The following MAMLD1 variants were observed in gnomAD, a reference collection of about 807,000 sequenced individuals.
The protein encoded by MAMLD1 is mastermind like domain containing 1.
A neutral mutation model predicts 45.0 loss-of-function variants in MAMLD1; 14 were observed. That is an observed-to-expected ratio of 0.31 (90% confidence interval 0.21 to 0.49). The LOEUF (loss-of-function observed/expected upper bound fraction) is 0.49, where lower values mean the gene tolerates loss of function less well. Ranked by LOEUF, MAMLD1 falls within the 20% of genes least tolerant of loss-of-function variation. The pLI is 0.99. For missense variants in MAMLD1, 543 were observed against 603.6 expected (o/e 0.90, Z 1.05); for synonymous variants, 254 against 247.8 (o/e 1.02, Z -0.24).
chrX:150,411,494 C>T (rs1479078217), intron 1 of MAMLD1, among the ~76,000 whole-genome samples: 2 of 112,118 alleles, frequency 1.8e-5, no homozygotes, highest in Non-Finnish European at 3.8e-5. Context: ...TGCCACTGCT[C>T]CCTGTGCTTT....
At chrX:150,490,937 A>G (rs2037165963) in intron 5 of MAMLD1, among the ~76,000 whole-genome samples, 1 of 112,130 alleles carries the variant, frequency 8.9e-6, no homozygotes, top group African/African-American at 3.2e-5. Flanking sequence ...CAAAAAATGC[A>G]TGATCATCTC....
At chrX:150,417,998 G>C (rs2034324782) in intron 1 of MAMLD1, among the ~76,000 whole-genome samples, 1 of 110,517 alleles carries the variant, frequency 9.0e-6, no homozygotes, top group Non-Finnish European at 1.9e-5. Context: ...GATTGGAATA[G>C]TTTCAGAAGG....
At chrX:150,401,295 A>G (rs1225905873) in intron 1 of MAMLD1, among the ~76,000 whole-genome samples, 1 of 105,650 alleles carries the variant, frequency 9.5e-6, no homozygotes, top group African/African-American at 3.5e-5. Context: ...CAGAGAGCCA[A>G]ATCATGAGTG....
chrX:150,492,144 G>A (rs1050429990), intron 5 of MAMLD1, among the ~76,000 whole-genome samples: 2 of 112,545 alleles, frequency 1.8e-5, no homozygotes, highest in African/African-American at 6.5e-5. Context: ...TCACTATCAA[G>A]GATCCCTCAT....
chrX:150,478,216 A>G (rs1557406951), intron 5 of MAMLD1, among the ~76,000 whole-genome samples: 1 of 112,573 alleles, frequency 8.9e-6, no homozygotes, highest in Non-Finnish European at 1.9e-5. Flanking sequence ...AGTGAGGCCA[A>G]GAGAATTTCC....
At chrX:150,506,934 G>A (rs1430651372) in intron 6 of MAMLD1, among the ~76,000 whole-genome samples, 1 of 112,591 alleles carries the variant, frequency 8.9e-6, no homozygotes, top group Non-Finnish European at 1.9e-5. Flanking sequence ...GGACTTCCAA[G>A]GTTGCCATCT....
chrX:150,403,939 G>A (rs1037755447), intron 1 of MAMLD1, among the ~76,000 whole-genome samples: 3 of 30,071 alleles, frequency 1.0e-4, no homozygotes, highest in East Asian at 7.5e-4. Flanking sequence ...GAGAAAGAAA[G>A]AAAAGAAAGA....
chrX:150,488,712 A>T (rs1419191819), intron 5 of MAMLD1, among the ~76,000 whole-genome samples: 1 of 113,163 alleles, frequency 8.8e-6, no homozygotes, highest in East Asian at 2.8e-4. Context: ...ACATCAAAAA[A>T]GTTGTCTGCT....
intron 5 of MAMLD1, among the ~76,000 whole-genome samples, chrX:150,501,445 A>G (rs1385012316): frequency 1.8e-5 from 2 of 112,543 alleles, no homozygotes; most frequent in African/African-American, 6.5e-5. Flanking sequence ...CTGGAGCTTG[A>G]TAACATGAAG....
chrX:150,442,118 A>G (rs997057473), intron 1 of MAMLD1, among the ~76,000 whole-genome samples: 4 of 109,284 alleles, frequency 3.7e-5, no homozygotes, highest in African/African-American at 1.3e-4. Flanking sequence ...TTACTTTTTA[A>G]AATTAATATT....
At chrX:150,490,039 T>C (rs996883834) in intron 5 of MAMLD1, among the ~76,000 whole-genome samples, 2 of 112,190 alleles carry the variant, frequency 1.8e-5, no homozygotes, top group Admixed American at 1.9e-4. Context: ...TGCATTACTA[T>C]GCTCACCATG....
At chrX:150,510,641 G>A (rs1178341425) in intron 7 of MAMLD1, among the ~76,000 whole-genome samples, 1 of 112,414 alleles carries the variant, frequency 8.9e-6, no homozygotes, top group Non-Finnish European at 1.9e-5. Flanking sequence ...TTCCCACTCC[G>A]TGGAGGTTGC....
chrX:150,403,996 G>GAAAGGAAGA (rs1244362021), intron 1 of MAMLD1, among the ~76,000 whole-genome samples: 1 of 73,871 alleles, frequency 1.4e-5, no homozygotes, highest in African/African-American at 4.9e-5. Flanking sequence ...AAGAAAGAAA[G>GAAAGGAAGA]AAGAAAGGAA....
intron 5 of MAMLD1, among the ~76,000 whole-genome samples, chrX:150,502,631 C>T (rs1458996331): frequency 1.8e-5 from 2 of 112,373 alleles, no homozygotes; most frequent in Non-Finnish European, 3.8e-5. Context: ...CACCCACACA[C>T]AAGTCCTAAA....
At chrX:150,474,717 G>T (rs2036533607) in intron 5 of MAMLD1, among the ~76,000 whole-genome samples, 1 of 111,924 alleles carries the variant, frequency 8.9e-6, no homozygotes. Flanking sequence ...AAGGGGAAAG[G>T]TCCATCCCTG....
intron 1 of MAMLD1, among the ~76,000 whole-genome samples, chrX:150,371,351 T>C (rs1041334891): frequency 9.0e-6 from 1 of 111,479 alleles, no homozygotes. Context: ...TGATATCATC[T>C]TGTTGGAAGA....
intron 4 of MAMLD1, 55 bp downstream of exon 4, chrX:150,471,545 T>C: frequency 2.5e-6 from 3 of 1,209,961 alleles, no homozygotes; most frequent in Non-Finnish European, 2.2e-6. Context: ...AACAACTGTG[T>C]TTCATGTTGC....
chrX:150,436,870 A>G (rs1453499441), intron 1 of MAMLD1, among the ~76,000 whole-genome samples: 1 of 108,606 alleles, frequency 9.2e-6, no homozygotes, highest in Non-Finnish European at 1.9e-5. Context: ...AAATTCTTTC[A>G]GTCTTTGAAG....
At chrX:150,458,805 G>A (rs1364363825) in intron 2 of MAMLD1, among the ~76,000 whole-genome samples, 1 of 111,831 alleles carries the variant, frequency 8.9e-6, no homozygotes, top group Non-Finnish European at 1.9e-5. Flanking sequence ...TCATAGAACT[G>A]TTTTAAAATC....
Sources: allele counts gnomAD v4.1 joint callset (sites outside exome capture counted in the v4.1 genomes callset), GRCh38; gene constraint gnomAD v4.1.1; transcripts MANE v1.5; gene names NCBI Gene and HGNC (gene_info 2026-07-23, HGNC 2026-07-21).